ESYT2: variants seen among roughly 807,000 people sequenced by gnomAD.
ESYT2 encodes extended synaptotagmin-2.
In ESYT2, 54 loss-of-function variants were observed where a neutral mutation model predicts 107.2. That is an observed-to-expected ratio of 0.50 (90% CI 0.40 to 0.63). The LOEUF is 0.63. Ranked by LOEUF, ESYT2 falls within the 30% of genes least tolerant of loss-of-function variation. The pLI is 0.00. For synonymous variants in ESYT2, 491 were observed against 434.1 expected (o/e 1.13, Z -1.63); for missense variants, 1,020 against 1,094.5 (o/e 0.93, Z 0.96).
intron 19 of ESYT2, among the ~76,000 whole-genome samples, chr7:158,737,573 C>CA (rs1837011990): frequency 6.6e-6 from 1 of 152,106 alleles, no homozygotes; most frequent in Non-Finnish European, 1.5e-5. Context: ...TCCTTTGCAG[C>CA]AAACGCGGTC....
chr7:158,743,473 C>CTA, intron 17 of ESYT2, 56 bp downstream of exon 17: 1 of 1,564,082 alleles, frequency 6.4e-7, no homozygotes, highest in Non-Finnish European at 8.6e-7. Flanking sequence ...ATGAGTATCC[C>CTA]TGCCAGCACC....
At chr7:158,806,153 G>A (rs1235133067) in intron 1 of ESYT2, among the ~76,000 whole-genome samples, 2 of 152,252 alleles carry the variant, frequency 1.3e-5, no homozygotes, top group African/African-American at 4.8e-5. Flanking sequence ...CACCGCGTAG[G>A]AGGCGCTGGC....
In ESYT2 at chr7:158,828,388, G is replaced by A. The variant is rs141128637; in HGVS notation, c.330+701C>T. Among the ~76,000 whole-genome samples the A allele has an allele frequency of 7.4e-3, 1,133 of 152,386 alleles. 19 individuals are homozygous for A. The highest frequency in any genetic ancestry group is 0.026 in the African/African-American group (1,067 of 41,586). Reference sequence around the variant, plus strand: ...CGCTGGGCGCTCTGAGAGCAGAACCGGCCGCTCAGGCCCCTAAGGAGACCC... The same window carrying A: ...CGCTGGGCGCTCTGAGAGCAGAACCAGCCGCTCAGGCCCCTAAGGAGACCC... On this transcript the variant is annotated intron_variant, in intron 1 of 22. Coordinates refer to ENST00000275418, the MANE Select transcript of ESYT2 (RefSeq NM_001367773.1).
chr7:158,734,456 C>T lies in ESYT2; in HGVS notation c.2521G>A (p.Ala841Thr), dbSNP rs1344057563. 6.2e-7 allele frequency: 1 copy of T among 1,613,822 alleles called. No individual in the cohort carries two copies. ...CAGCCTTTGGCAAGTTCTTCAGATG[C>T]CAGAGCAACCAATACCTGTGGGTTG... ...GLLGKVLVAL[A>T]SEELAKGWTQ... is the part of the protein sequence containing the mutation. The change falls in exon 22 of 23, where the codon GCA becomes ACA. Residue 841 changes from alanine (A) to threonine (T), a missense_variant. Ala to Thr is a moderately conservative substitution (Grantham distance 58, BLOSUM62 0). Coordinates refer to ENST00000275418, the MANE Select transcript of ESYT2 (RefSeq NM_001367773.1).
intron 6 of ESYT2, among the ~76,000 whole-genome samples, chr7:158,777,602 A>G (rs1243177466): frequency 3.9e-5 from 6 of 152,128 alleles, no homozygotes; most frequent in Admixed American, 2.6e-4. Flanking sequence ...CATGACTGTA[A>G]GTTTCCTGAG....
chr7:158,739,148 A>G, intron 18 of ESYT2, 27 bp from the exon 19 acceptor site: 3 of 1,593,116 alleles, frequency 1.9e-6, no homozygotes, highest in Middle Eastern at 1.7e-4. Context: ...GAAAGTCACC[A>G]GCTTGCCTGA....
chr7:158,743,836 T>C, intron 16 of ESYT2, 158 bp from the exon 17 acceptor site: 1 of 742,454 alleles, frequency 1.3e-6, no homozygotes. Context: ...ATTTCAGCAC[T>C]TTGGGAGGCT....
At chr7:158,817,118 T>C (rs1293868521) in intron 1 of ESYT2, among the ~76,000 whole-genome samples, 1 of 152,114 alleles carries the variant, frequency 6.6e-6, no homozygotes, top group African/African-American at 2.4e-5. Context: ...TCTGAACAGC[T>C]CCTCCTCTCT....
At chr7:158,821,361 C>A (rs564339753) in intron 1 of ESYT2, among the ~76,000 whole-genome samples, 1 of 152,174 alleles carries the variant, frequency 6.6e-6, no homozygotes, top group African/African-American at 2.4e-5. Flanking sequence ...TGGGTACTCC[C>A]GGCTATTACA....
chr7:158,731,094 C>T lies in ESYT2; in HGVS notation c.*3113G>A, dbSNP rs1030840531. On this transcript the variant is annotated 3_prime_UTR_variant, in exon 23 of 23. Coordinates refer to ENST00000275418, the MANE Select transcript of ESYT2 (RefSeq NM_001367773.1). ...TCTCTACTTTTTAACCCCCATCCCC[C>T]ACCGCTGTTCTCTATTTGCAGTGGG... 1.3e-5 allele frequency: 2 copies of T among 152,062 alleles called. No homozygotes were observed. The highest frequency in any genetic ancestry group is 2.9e-5 in the Non-Finnish European group (2 of 68,042). 9.4% of individuals were successfully genotyped at this position (152,062 alleles called of 1,614,324 possible).
chr7:158,759,994 A>C, intron 12 of ESYT2, 64 bp downstream of exon 12: 1 of 1,452,456 alleles, frequency 6.9e-7, no homozygotes, highest in South Asian at 1.2e-5. Context: ...CAACTGAGAG[A>C]CCAAGCTCAG....
At chr7:158,827,184 G>C (rs375591847) in intron 1 of ESYT2, among the ~76,000 whole-genome samples, 1 of 145,482 alleles carries the variant, frequency 6.9e-6, no homozygotes, top group Non-Finnish European at 1.5e-5. Context: ...AAAAAGAAAA[G>C]AAAAAGAAAA....
chr7:158,790,094 G>A (rs1288209765), intron 4 of ESYT2, among the ~76,000 whole-genome samples: 1 of 151,992 alleles, frequency 6.6e-6, no homozygotes, highest in Non-Finnish European at 1.5e-5. Context: ...TGCCTGACCC[G>A]AGACATACGT....
chr7:158,802,336 G>A (rs148427304), intron 1 of ESYT2, among the ~76,000 whole-genome samples: 22 of 152,064 alleles, frequency 1.4e-4, no homozygotes, highest in African/African-American at 5.1e-4. Flanking sequence ...ACTCAGGCTG[G>A]AGTGCAGTGG....
chr7:158,795,850 T>A (rs1488398031), intron 3 of ESYT2, among the ~76,000 whole-genome samples: 1 of 127,440 alleles, frequency 7.8e-6, no homozygotes, highest in African/African-American at 3.2e-5. Context: ...TTGCACAGGA[T>A]GGCCACACCT....
intron 1 of ESYT2, among the ~76,000 whole-genome samples, chr7:158,817,021 G>A (rs1229323255): frequency 6.6e-6 from 1 of 152,228 alleles, no homozygotes; most frequent in Non-Finnish European, 1.5e-5. Context: ...TTCTAATTGT[G>A]TATAAATATC....
At chr7:158,824,460 G>A (rs1396348158) in intron 1 of ESYT2, among the ~76,000 whole-genome samples, 1 of 152,170 alleles carries the variant, frequency 6.6e-6, no homozygotes, top group Non-Finnish European at 1.5e-5. Flanking sequence ...TGAGATCACA[G>A]TGCATTATTT....
intron 6 of ESYT2, among the ~76,000 whole-genome samples, chr7:158,774,610 C>A (rs1838484166): frequency 6.6e-6 from 1 of 152,184 alleles, no homozygotes; most frequent in African/African-American, 2.4e-5. Flanking sequence ...GTACTCCCTG[C>A]CACAGCAAAA....
intron 6 of ESYT2, among the ~76,000 whole-genome samples, chr7:158,779,952 T>A (rs1249140152): frequency 6.6e-6 from 1 of 152,218 alleles, no homozygotes; most frequent in Non-Finnish European, 1.5e-5. Context: ...AGCATCCAAC[T>A]TGGTTTCTAC....
Sources: gnomAD v4.1 joint callset for allele counts (sites outside exome capture counted in the v4.1 genomes callset) on GRCh38, gnomAD v4.1.1 for gene constraint, MANE v1.5 for transcripts, NCBI Gene and HGNC (gene_info 2026-07-23, HGNC 2026-07-21) for gene names.